The following FREM1 variants were observed in gnomAD, a reference collection of about 807,000 sequenced individuals.
FREM1 encodes FRAS1-related extracellular matrix protein 1.
FREM1 carries 220 observed loss-of-function variants against 210.1 expected under a neutral mutation model. The observed-to-expected ratio is 1.05, with a 90% CI of 0.94 to 1.17. The LOEUF is 1.17. FREM1 is among the 50% of genes most tolerant of loss of function. The pLI, the probability that FREM1 is intolerant of heterozygous loss-of-function variation, is 0.00. For missense variants in FREM1, 3,454 were observed against 2,675.5 expected, an observed-to-expected ratio of 1.29 and a Z score of -6.42; for synonymous variants, 1,189 against 980.2, an observed-to-expected ratio of 1.21 and a Z score of -3.98.
At chr9:14,784,955 G>A (rs966683629) in intron 23 of FREM1, among the ~76,000 whole-genome samples, 1 of 152,196 alleles carries the variant, frequency 6.6e-6, no homozygotes, top group African/African-American at 2.4e-5. Flanking sequence ...TGTACAAAGT[G>A]TTGAAGACAT....
chr9:14,863,929 A>G, intron 2 of FREM1, 26 bp from the exon 3 acceptor site: 1 of 1,406,556 alleles, frequency 7.1e-7, no homozygotes, highest in Non-Finnish European at 1.0e-6. Context: ...AATTGGATAA[A>G]TATCTATGAG....
chr9:14,798,667 G>A (rs573619651), intron 20 of FREM1, among the ~76,000 whole-genome samples: 25 of 151,948 alleles, frequency 1.6e-4, no homozygotes, highest in Middle Eastern at 3.4e-3. Flanking sequence ...CAAAAGTTAC[G>A]TTTTTAATAA....
At chr9:14,870,861 G>A (rs939995140) in intron 1 of FREM1, among the ~76,000 whole-genome samples, 6 of 140,100 alleles carry the variant, frequency 4.3e-5, no homozygotes, top group Admixed American at 3.9e-4. Context: ...GTGTCCATGT[G>A]TTCTCATTGT....
chr9:14,772,724 G>T (rs1007848301), intron 25 of FREM1, among the ~76,000 whole-genome samples: 1 of 152,206 alleles, frequency 6.6e-6, no homozygotes, highest in Non-Finnish European at 1.5e-5. Context: ...TGTCATTGTG[G>T]CCCGTGAGGG....
rs1480909988 is a variant in FREM1, at chr9:14,737,257, T to C, written c.*139A>G. ...TCAATCTTTCTGGCACTATTAAAAA[T>C]GTCCCATTTTCACTAGACAGAATCA... On this transcript the variant is annotated 3_prime_UTR_variant, in exon 37 of 37. Transcript: ENST00000380880. 4 of 565,166 alleles carry C rather than the reference T, an allele frequency of 7.1e-6. No individual in the cohort carries two copies. The highest frequency in any genetic ancestry group is 3.1e-5 in the South Asian group (1 of 32,446). 35.0% of individuals were successfully genotyped at this position (565,166 alleles called of 1,614,324 possible). A position where few individuals can be genotyped will look rare whatever the true frequency, so the allele number is the denominator to read the frequency against.
Position 14,825,547 on chromosome 9 carries a change from G to GTGTGTGTGTATATATA in FREM1, c.1882-556_1882-555insTATATATACACACACA. Reference sequence around the variant, plus strand: ...CATATATATATATATGTGTGTGTGTGTATATATATATATATATATATATAC... The same window carrying GTGTGTGTGTATATATA: ...CATATATATATATATGTGTGTGTGTGTGTGTGTGTATATATATATATATATATATATATATATATAC... On this transcript the variant is annotated intron_variant, in intron 10 of 36. Coordinates refer to ENST00000380880, the MANE Select transcript of FREM1 (RefSeq NM_001379081.2). Among the ~76,000 whole-genome samples the GTGTGTGTGTATATATA allele has an allele frequency of 8.8e-3, 669 of 75,834 alleles. 11 individuals carry two copies. The highest frequency in any genetic ancestry group is 0.031 in the South Asian group (64 of 2,062). The allele number at this position is 75,834 out of a possible 152,430, so 49.8% of individuals were successfully genotyped here. A position where few individuals can be genotyped will look rare whatever the true frequency, so the allele number is the denominator to read the frequency against.
intron 16 of FREM1, among the ~76,000 whole-genome samples, chr9:14,812,219 T>C (rs947007911): frequency 5.9e-5 from 9 of 152,190 alleles, no homozygotes; most frequent in Non-Finnish European, 1.3e-4. Flanking sequence ...TATTTTTTAG[T>C]GGAACAAATG....
At chr9:14,748,706 A>T in intron 30 of FREM1, 67 bp from the exon 31 acceptor site, 1 of 1,010,320 alleles carries the variant, frequency 9.9e-7, no homozygotes, top group Non-Finnish European at 1.5e-6. Context: ...TCACATTGAC[A>T]CAGCTCCTGG....
intron 35 of FREM1, among the ~76,000 whole-genome samples, chr9:14,740,600 T>C (rs1841394970): frequency 6.6e-6 from 1 of 152,250 alleles, no homozygotes; most frequent in South Asian, 2.1e-4. Context: ...CTAGCTGGTA[T>C]AAATTTGGCA....
intron 15 of FREM1, among the ~76,000 whole-genome samples, chr9:14,814,576 T>A (rs1007509935): frequency 2.0e-5 from 3 of 152,228 alleles, no homozygotes; most frequent in Non-Finnish European, 4.4e-5. Flanking sequence ...TAATATTCTC[T>A]ACTTTTCTAT....
chr9:14,861,494 G>T (rs1287170906), intron 3 of FREM1, among the ~76,000 whole-genome samples: 2 of 144,128 alleles, frequency 1.4e-5, no homozygotes, highest in African/African-American at 5.1e-5. Context: ...ATTCCCTCAA[G>T]CATTTATCCT....
intron 30 of FREM1, among the ~76,000 whole-genome samples, chr9:14,749,271 G>T (rs1297471314): frequency 2.0e-5 from 3 of 152,094 alleles, no homozygotes; most frequent in Admixed American, 6.6e-5. Context: ...CATGTGACCA[G>T]AAAATTCTAC....
intron 16 of FREM1, 122 bp downstream of exon 16, chr9:14,812,690 A>C: frequency 1.0e-6 from 1 of 972,142 alleles, no homozygotes; most frequent in Non-Finnish European, 1.5e-6. Flanking sequence ...GCCAGGCTGC[A>C]GCTGCTTCTT....
At chr9:14,747,154 T>C in intron 33 of FREM1, 103 bp from the exon 34 acceptor site, 3 of 1,582,924 alleles carry the variant, frequency 1.9e-6, no homozygotes, top group Non-Finnish European at 2.6e-6. Flanking sequence ...GCATTTGTGT[T>C]GGGTAAACTA....
chr9:14,866,283 A>C (rs62537685), intron 2 of FREM1, among the ~76,000 whole-genome samples: 20,156 of 152,196 alleles, frequency 0.13, 1,755 homozygotes, highest in Middle Eastern at 0.22. Flanking sequence ...CTTGTGAACA[A>C]ATGTTTTTTA....
chr9:14,893,360 C>T (rs56888070), intron 1 of FREM1, among the ~76,000 whole-genome samples: 83 of 152,280 alleles, frequency 5.5e-4, no homozygotes, highest in African/African-American at 1.6e-3. Context: ...GGATAGAATG[C>T]GGGCCTAGGA....
intron 5 of FREM1, among the ~76,000 whole-genome samples, chr9:14,856,313 C>A (rs544862010): frequency 1.3e-5 from 2 of 152,282 alleles, no homozygotes; most frequent in East Asian, 3.9e-4. Context: ...ATTATTTGGA[C>A]TCAGAAATTT....
intron 5 of FREM1, 77 bp downstream of exon 5, chr9:14,857,476 C>T (rs973918341): frequency 2.0e-5 from 25 of 1,226,688 alleles, no homozygotes; most frequent in Non-Finnish European, 2.7e-5. Flanking sequence ...GGCATGGGGG[C>T]GAGCATGAGT....
chr9:14,754,435 A>T (rs559948572), intron 29 of FREM1, among the ~76,000 whole-genome samples: 1 of 152,356 alleles, frequency 6.6e-6, no homozygotes, highest in African/African-American at 2.4e-5. Context: ...AAGGAGGCCA[A>T]AAACAAAATA....
Sources: allele counts gnomAD v4.1 joint callset (sites outside exome capture counted in the v4.1 genomes callset), GRCh38; gene constraint gnomAD v4.1.1; transcripts MANE v1.5; gene names NCBI Gene and HGNC (gene_info 2026-07-23, HGNC 2026-07-21).